Variants in BPIFC observed in about 807,000 individuals in gnomAD.
BPIFC encodes the protein BPI fold containing family C.
In BPIFC, 60 loss-of-function variants were observed where a neutral mutation model predicts 57.6. The ratio of observed to expected loss-of-function variants is 1.04; its 90% CI spans 0.85 to 1.29. The LOEUF is 1.29. BPIFC is among the 50% of genes most tolerant of loss of function. The pLI, the probability that BPIFC is intolerant of heterozygous loss-of-function variation, is 0.00. For synonymous variants in BPIFC, 243 were observed against 224.5 expected, an observed-to-expected ratio of 1.08 and a Z score of -0.74; for missense variants, 581 against 600.5, an observed-to-expected ratio of 0.97 and a Z score of 0.34.
At chr22:32,464,270 G>A in intron 1 of BPIFC, 104 bp downstream of exon 1, 1 of 379,716 alleles carries the variant, frequency 2.6e-6, no homozygotes, top group Non-Finnish European at 3.6e-6. Context: ...TAATAACCCA[G>A]GATATATGAC....
intron 7 of BPIFC, among the ~76,000 whole-genome samples, chr22:32,443,686 G>T (rs1287497857): frequency 1.3e-5 from 2 of 152,192 alleles, no homozygotes; most frequent in Non-Finnish European, 2.9e-5. Flanking sequence ...TGGCTGCCTG[G>T]GGCCGAGGGT....
chr22:32,451,360 A>G (rs531754739), intron 4 of BPIFC, among the ~76,000 whole-genome samples: 2 of 152,322 alleles, frequency 1.3e-5, no homozygotes, highest in Admixed American at 6.5e-5. Context: ...TTACAGCAAT[A>G]TGATTTATAC....
At chr22:32,457,428 C>T (rs1935063334) in intron 2 of BPIFC, 42 bp from the exon 3 acceptor site, 1 of 1,580,334 alleles carries the variant, frequency 6.3e-7, no homozygotes, top group Non-Finnish European at 8.5e-7. Context: ...TTATTCTTGA[C>T]TTTCTCTTTG....
At position 32,457,257 on chromosome 22, in the gene BPIFC, A is replaced by G. The variant is rs1481388314; in HGVS notation, c.124+6T>C. ...GAGGTCTGGCTTCTGAAAACATCCA[A>G]CTCACCATAGTCAAGTGCCCTCTGA... On this transcript the variant is annotated splice_donor_region_variant and intron_variant, in intron 3 of 16. Transcript: ENST00000300399. The G allele has an allele frequency of 6.9e-6, 11 of 1,591,648 alleles. No individual in the cohort carries two copies. The highest frequency in any genetic ancestry group is 6.9e-5 in the South Asian group (6 of 87,206).
At chr22:32,445,265 C>T (rs566546929) in intron 7 of BPIFC, among the ~76,000 whole-genome samples, 16 of 152,286 alleles carry the variant, frequency 1.1e-4, no homozygotes, top group Middle Eastern at 3.4e-3. Flanking sequence ...TGGCCAGGCG[C>T]GGTGGCTCAT....
rs1933662538 is a variant in BPIFC at position 32,416,008 on chromosome 22, G to T, written c.1325-17C>A. On this transcript the variant is annotated splice_polypyrimidine_tract_variant and intron_variant, in intron 15 of 16. Coordinates refer to ENST00000300399, the MANE Select transcript of BPIFC (RefSeq NM_174932.3). ...GCAATTTTGCTAAAATATAGAACAA[G>T]ACGTAAAACAATTGGGCACAAGCAC... The T allele has an allele frequency of 6.6e-7, 1 of 1,524,644 alleles. No individual in the cohort carries two copies. The allele number at this position is 1,524,644 out of a possible 1,614,324, so 94.4% of individuals were successfully genotyped here.
intron 12 of BPIFC, 102 bp from the exon 13 acceptor site, chr22:32,431,516 C>T: frequency 2.5e-6 from 2 of 791,640 alleles, no homozygotes; most frequent in South Asian, 3.3e-5. Flanking sequence ...AACATTCCCC[C>T]TTAGTGTAAA....
intron 11 of BPIFC, among the ~76,000 whole-genome samples, chr22:32,432,782 T>C (rs1934286560): frequency 6.6e-6 from 1 of 152,234 alleles, no homozygotes; most frequent in Non-Finnish European, 1.5e-5. Context: ...TCACATTTAA[T>C]CTTCAGAAAA....
At position 32,424,628 on chromosome 22, in the gene BPIFC, CTCT is replaced by C. The variant is rs1342363595; in HGVS notation, c.1218-5227_1218-5225del. ...CCTCCTCCTCCTCCTCCTCCTCCTC[CTCT>C]TCTTCTTCTTCTCTTCTTCTTCTTC... On this transcript the variant is annotated intron_variant, in intron 13 of 16. Coordinates refer to ENST00000300399, the MANE Select transcript of BPIFC (RefSeq NM_174932.3). Among the ~76,000 whole-genome samples the C allele has an allele frequency of 2.0e-4, 10 of 49,246 alleles. 2 individuals carry two copies. Among genetic ancestry groups the C allele is most frequent in the Non-Finnish European group, 3.6e-5 (1 of 27,480 alleles). The allele number at this position is 49,246 out of a possible 152,430, so 32.3% of individuals were successfully genotyped here.
In BPIFC at chr22:32,432,370, T is replaced by TA. The variant is rs748867998; in HGVS notation, c.1149+2dup. On this transcript the variant is annotated splice_region_variant and intron_variant, in intron 12 of 16. Coordinates refer to ENST00000300399, the MANE Select transcript of BPIFC (RefSeq NM_174932.3). ...GGCTGCTCCACTGTCTCCCCAGACT[T>TA]ACGAAGTCCATGGAAACGATGGTTT... 2.5e-6 allele frequency: 4 copies of TA among 1,613,802 alleles called. No individual in the cohort carries two copies. The African/African-American group carries it at 5.3e-5, about 22-fold the overall frequency.
chr22:32,452,454 G>T (rs575722280), intron 4 of BPIFC, among the ~76,000 whole-genome samples: 1 of 151,942 alleles, frequency 6.6e-6, no homozygotes, highest in South Asian at 2.1e-4. Context: ...GGCTAACACG[G>T]TGAAACCCCG....
At chr22:32,461,455 G>C (rs1424909040) in intron 2 of BPIFC, 119 bp downstream of exon 2, 2 of 405,294 alleles carry the variant, frequency 4.9e-6, no homozygotes, top group African/African-American at 2.2e-5. Flanking sequence ...GCCAAGCAAT[G>C]AGTGATCTGA....
chr22:32,440,576 C>A (rs1934536413), intron 8 of BPIFC, among the ~76,000 whole-genome samples: 1 of 152,178 alleles, frequency 6.6e-6, no homozygotes, highest in Non-Finnish European at 1.5e-5. Flanking sequence ...TACAACACAG[C>A]AAAGGCTGAT....
intron 8 of BPIFC, 41 bp downstream of exon 8, chr22:32,442,630 T>G: frequency 6.3e-6 from 10 of 1,586,278 alleles, no homozygotes; most frequent in Non-Finnish European, 8.7e-6. Context: ...CTTTTGAAGG[T>G]AGGAAGACAA....
chr22:32,416,448 T>A (rs1386865340), intron 15 of BPIFC, among the ~76,000 whole-genome samples: 2 of 152,218 alleles, frequency 1.3e-5, no homozygotes, highest in African/African-American at 4.8e-5. Flanking sequence ...CTCTCTGATA[T>A]GTCCCTAGAA....
In BPIFC at chr22:32,437,620, G is replaced by A. The variant is rs1601463875; in HGVS notation, c.747+140C>T. On this transcript the variant is annotated intron_variant, in intron 9 of 16. Transcript: ENST00000300399. ...TGGCCAGCCTGGTCTCAAACTCCTG[G>A]CCTCAAGTGATCCACCTGCCTGGGC... The A allele has an allele frequency of 2.5e-5, 15 of 588,374 alleles. No individual in the cohort carries two copies. In the East Asian group the frequency reaches 3.9e-4, roughly 15 times the overall value. The allele number at this position is 588,374 out of a possible 1,614,324, so 36.4% of individuals were successfully genotyped here.
At chr22:32,426,258 T>C (rs1934065324) in intron 13 of BPIFC, among the ~76,000 whole-genome samples, 1 of 152,108 alleles carries the variant, frequency 6.6e-6, no homozygotes, top group Non-Finnish European at 1.5e-5. Flanking sequence ...TTGATCCTTT[T>C]CCTGCTGCAT....
Position 32,461,614 on chromosome 22 carries a change from G to A in BPIFC, c.-41C>T. The A allele has an allele frequency of 3.0e-6, 3 of 985,556 alleles. No homozygotes were observed. Among genetic ancestry groups the A allele is most frequent in the South Asian group, 9.4e-5 (2 of 21,282 alleles). The allele number at this position is 985,556 out of a possible 1,614,324, so 61.1% of individuals were successfully genotyped here. On this transcript the variant is annotated 5_prime_UTR_variant, in exon 2 of 17. Transcript: ENST00000300399. ...GATCCAGCTGATCTTCTGCTGTGCT[G>A]GGCCTTTCTTGATCCTTTAGTTGCC...
intron 13 of BPIFC, among the ~76,000 whole-genome samples, chr22:32,425,351 T>A (rs375212242): frequency 9.2e-5 from 14 of 152,262 alleles, no homozygotes; most frequent in Admixed American, 5.2e-4. Flanking sequence ...AGATTTAAAA[T>A]GAAATAATAG....
Sources: allele counts gnomAD v4.1 joint callset (sites outside exome capture counted in the v4.1 genomes callset), GRCh38; gene constraint gnomAD v4.1.1; transcripts MANE v1.5; gene names NCBI Gene and HGNC (gene_info 2026-07-23, HGNC 2026-07-21).